Variants in SUMF1 observed in about 807,000 individuals in gnomAD.
SUMF1 encodes the protein sulfatase modifying factor 1, also known as formylglycine-generating enzyme.
Under a neutral mutation model 47.6 loss-of-function variants are expected in SUMF1, and 48 were observed. That is an observed-to-expected ratio of 1.01 (90% CI 0.80 to 1.28). SUMF1 has a LOEUF of 1.28. Among genes scored for constraint, SUMF1 ranks in the 50% most tolerant of loss-of-function variants. The probability of loss-of-function intolerance (pLI) is 0.00; values close to 1 mark genes in which losing one functional copy is unlikely to be tolerated. For synonymous variants in SUMF1, 230 were observed against 192.1 expected (o/e 1.20, Z -1.63); for missense variants, 571 against 485.4 (o/e 1.18, Z -1.66).
chr3:4,055,887 T>G (rs1439574758), intron 9 of SUMF1, among the ~76,000 whole-genome samples: 2 of 152,204 alleles, frequency 1.3e-5, no homozygotes, highest in African/African-American at 4.8e-5. Flanking sequence ...AGGAACAATC[T>G]GTTTCTTTGG....
chr3:4,173,434 A>G (rs1193159310), intron 8 of SUMF1, among the ~76,000 whole-genome samples: 2 of 152,196 alleles, frequency 1.3e-5, no homozygotes, highest in African/African-American at 2.4e-5. Flanking sequence ...TGTGGGTGGG[A>G]GTGTAAATTA....
intron 8 of SUMF1, among the ~76,000 whole-genome samples, chr3:4,262,137 G>A (rs925559032): frequency 2.0e-5 from 3 of 151,998 alleles, no homozygotes; most frequent in African/African-American, 7.3e-5. Flanking sequence ...AGAGCTAAAG[G>A]GTAGTGTAAC....
At chr3:4,136,577 T>C (rs985787332) in intron 8 of SUMF1, among the ~76,000 whole-genome samples, 14 of 151,926 alleles carry the variant, frequency 9.2e-5, no homozygotes, top group Admixed American at 2.0e-4. Context: ...ACTTCATGTC[T>C]AAAACATCAA....
intron 7 of SUMF1, among the ~76,000 whole-genome samples, chr3:4,401,619 C>T (rs1200796559): frequency 2.0e-5 from 3 of 152,156 alleles, no homozygotes; most frequent in African/African-American, 7.2e-5. Context: ...CATGACTCAC[C>T]TAGGGCCCCA....
At chr3:4,185,138 G>T (rs1226022095) in intron 8 of SUMF1, among the ~76,000 whole-genome samples, 1 of 152,096 alleles carries the variant, frequency 6.6e-6, no homozygotes, top group Non-Finnish European at 1.5e-5. Context: ...ATCTTCTCAT[G>T]TCTATGAATT....
downstream of SUMF1, among the ~76,000 whole-genome samples, chr3:4,356,550 C>T (rs1041428836): frequency 6.6e-6 from 1 of 151,744 alleles, no homozygotes; most frequent in African/African-American, 2.4e-5. Flanking sequence ...CTTACTTGAT[C>T]AGTCACTCTT....
At chr3:4,193,278 C>T (rs558506740) in intron 8 of SUMF1, among the ~76,000 whole-genome samples, 2 of 135,390 alleles carry the variant, frequency 1.5e-5, no homozygotes, top group East Asian at 4.7e-4. Flanking sequence ...AAAACCCTCC[C>T]AGCCATCACC....
At chr3:4,143,291 G>C (rs942407100) in intron 8 of SUMF1, among the ~76,000 whole-genome samples, 1 of 152,062 alleles carries the variant, frequency 6.6e-6, no homozygotes, top group Non-Finnish European at 1.5e-5. Flanking sequence ...CAGAAAAGTT[G>C]GTGCAAATTT....
rs144029687 is a variant in SUMF1 at position 4,135,396 on chromosome 3, A to G, written c.1015-66651T>C. On this transcript the variant is annotated intron_variant and NMD_transcript_variant, in intron 8 of 12. Transcript: ENST00000448413. ...ACCACATGATTATCTCAATAGATGCAGAAAAGGCCTTTGACAAAATTCAAC... is the reference window on the plus strand; with the variant it reads ...ACCACATGATTATCTCAATAGATGCGGAAAAGGCCTTTGACAAAATTCAAC... Among the ~76,000 whole-genome samples the G allele has an allele frequency of 2.4e-3, 370 of 152,296 alleles. 2 individuals carry two copies. Among genetic ancestry groups the G allele is most frequent in the African/African-American group, 8.2e-3 (341 of 41,542 alleles).
At chr3:4,329,954 C>G (rs965456425) in intron 8 of SUMF1, among the ~76,000 whole-genome samples, 2 of 152,130 alleles carry the variant, frequency 1.3e-5, no homozygotes, top group Admixed American at 6.6e-5. Context: ...ACTAGATGCC[C>G]TAAATTATCT....
rs547142462 is a variant in SUMF1, at chr3:4,253,038, T to A, written c.1014+123292A>T. ...TTACACTTTATTATGTGTTTTTCCATAAGAGTTTTAAATTTTTTAAAAATC... is the reference window on the plus strand; with the variant it reads ...TTACACTTTATTATGTGTTTTTCCAAAAGAGTTTTAAATTTTTTAAAAATC... On this transcript the variant is annotated intron_variant and NMD_transcript_variant, in intron 8 of 12. Coordinates refer to the SUMF1 transcript ENST00000448413. Among the ~76,000 whole-genome samples the A allele has an allele frequency of 1.1e-4, 17 of 152,350 alleles. No individual in the cohort carries two copies. The East Asian group carries it at 1.3e-3, about 12-fold the overall frequency.
At chr3:4,103,156 CAA>C (rs1430693048) in intron 8 of SUMF1, among the ~76,000 whole-genome samples, 1 of 151,326 alleles carries the variant, frequency 6.6e-6, no homozygotes, top group African/African-American at 2.4e-5. Context: ...CTCCTGACCT[CAA>C]GTGATCCACC....
At chr3:4,068,643 A>G (rs1695438504) in exon 9 of SUMF1, 1 of 450,180 alleles carries the variant, frequency 2.2e-6, no homozygotes, top group African/African-American at 2.0e-5. Flanking sequence ...CGTATTGAGC[A>G]GCATGGTTCT....
chr3:4,047,163 G>C (rs1695022150), intron 9 of SUMF1, among the ~76,000 whole-genome samples: 1 of 152,042 alleles, frequency 6.6e-6, no homozygotes, highest in Non-Finnish European at 1.5e-5. Flanking sequence ...CCTCTTCCAA[G>C]AGACATCCTT....
At chr3:4,394,760 T>C (rs1261911441) in intron 7 of SUMF1, among the ~76,000 whole-genome samples, 5 of 152,234 alleles carry the variant, frequency 3.3e-5, no homozygotes, top group African/African-American at 1.2e-4. Flanking sequence ...TGTTTCTCAC[T>C]GACCCTATAT....
intron 8 of SUMF1, among the ~76,000 whole-genome samples, chr3:4,286,926 T>A (rs553258899): frequency 6.6e-6 from 1 of 152,334 alleles, no homozygotes; most frequent in South Asian, 2.1e-4. Context: ...AAACCATCTA[T>A]TGCAATGTTC....
chr3:4,099,330 C>T (rs1050542528), intron 8 of SUMF1, among the ~76,000 whole-genome samples: 1 of 152,074 alleles, frequency 6.6e-6, no homozygotes, highest in African/African-American at 2.4e-5. Flanking sequence ...AAATGTGATC[C>T]ATCATATTCA....
rs1292996053 is a variant in SUMF1, at chr3:4,350,341, GTGTGTGTGTGTGTATAAT to G, written c.1014+25971_1014+25988del. 6.1e-5 allele frequency among the ~76,000 whole-genome samples: 9 copies of G among 147,152 alleles called. No homozygotes were observed. In the East Asian group the frequency reaches 7.7e-4, roughly 13 times the overall value. The stretch of plus-strand genomic sequence containing the variant: ...TCTGTGTGTGTATATGCGTGTGTGT[GTGTGTGTGTGTGTATAAT>G]TGTGTGTGTATAATTGTGTGTGTAT... On this transcript the variant is annotated intron_variant and NMD_transcript_variant, in intron 8 of 12. Coordinates refer to the SUMF1 transcript ENST00000448413.
intron 1 of SUMF1, among the ~76,000 whole-genome samples, chr3:4,453,982 T>C (rs917950931): frequency 6.6e-6 from 1 of 152,156 alleles, no homozygotes; most frequent in Non-Finnish European, 1.5e-5. Context: ...TCTTTATACA[T>C]TTTTTATTCG....
Sources: allele counts gnomAD v4.1 joint callset (sites outside exome capture counted in the v4.1 genomes callset), GRCh38; gene constraint gnomAD v4.1.1; transcripts MANE v1.5; gene names NCBI Gene and HGNC (gene_info 2026-07-23, HGNC 2026-07-21).